Variants in KDR observed in about 807,000 individuals in gnomAD.
The protein encoded by KDR is vascular endothelial growth factor receptor 2.
In KDR, 43 loss-of-function variants were observed where a neutral mutation model predicts 160.9. The observed-to-expected ratio is 0.27, with a 90% CI of 0.21 to 0.34. The LOEUF (loss-of-function observed/expected upper bound fraction) is 0.34. KDR is among the 10% of genes least tolerant of loss of function. The pLI is 1.00. For synonymous variants in KDR, 617 were observed against 600.1 expected (o/e 1.03, Z -0.41); for missense variants, 1,469 against 1,666.4 (o/e 0.88, Z 2.06).
rs1235783869 is a variant in KDR at position 55,125,304 on chromosome 4, G to A, written c.-11C>T. On this transcript the variant is annotated 5_prime_UTR_variant, in exon 1 of 30. Coordinates refer to ENST00000263923, the MANE Select transcript of KDR (RefSeq NM_002253.4). Reference sequence around the variant, plus strand: ...CACCTTGCTCTGCATCCTGCACCTCGAGCCGGGCGAAATGCCCAGAACTCG... The same window carrying A: ...CACCTTGCTCTGCATCCTGCACCTCAAGCCGGGCGAAATGCCCAGAACTCG... 1.9e-6 allele frequency: 3 copies of A among 1,608,796 alleles called. No homozygotes were observed. Among genetic ancestry groups the A allele is most frequent in the Non-Finnish European group, 2.5e-6 (3 of 1,178,180 alleles).
chr4:55,104,801 C>G lies in KDR; in HGVS notation c.1829G>C (p.Trp610Ser), dbSNP rs2110023134. The G allele has an allele frequency of 6.2e-7, 1 of 1,613,938 alleles. No individual in the cohort carries two copies. Reference sequence around the variant, plus strand: ...AGAGAACATGGTGGCATTCAATTTCCAAAGAGTATCCAAGTTCTTGCAAAC... The same window carrying G: ...AGAGAACATGGTGGCATTCAATTTCGAAAGAGTATCCAAGTTCTTGCAAAC... The part of the protein sequence containing the change: ...TPVCKNLDTL[W>S]KLNATMFSNS... The change falls in exon 13 of 30, where the codon TGG becomes TCG. Residue 610 changes from tryptophan (W) to serine (S), a missense_variant. By Grantham distance (177) the Trp-to-Ser change is radical. Transcript: ENST00000263923.
rs560132579 is a variant in KDR, at chr4:55,094,912, G to A, written c.2861C>T (p.Ala954Val). The change falls in exon 21 of 30, where the codon GCA (alanine) becomes GTA (valine). Residue 954 changes from alanine (A) to valine (V), a missense_variant. This residue lies in a region of KDR where 151 missense variants were observed against 207.2 expected (regional missense o/e 0.73). Transcript: ENST00000263923. ...RFRQGKDYVG[A>V]IPVDLKRRLD... ...GCGCCGTTTCAGATCCACAGGGATT[G>A]CTCCAACGTAGTCTTTCCCTTGACG... The A allele has an allele frequency of 4.8e-5, 77 of 1,613,988 alleles. No individual in the cohort carries two copies. In the Admixed American group the frequency reaches 7.0e-4, roughly 15 times the overall value.
At chr4:55,112,579 G>C (rs1442078552) in intron 7 of KDR, among the ~76,000 whole-genome samples, 6 of 146,904 alleles carry the variant, frequency 4.1e-5, no homozygotes, top group African/African-American at 1.5e-4. Flanking sequence ...CCCAGGCTGG[G>C]GTACAATGGC....
chr4:55,121,163 G>C lies in KDR; in HGVS notation c.95C>G (p.Pro32Arg). ...TATGTCTTTTTGTATGCTGAGCCTG[G>C]GCAGATCAAGAGAAACACTAGGCAA... ...VGLPSVSLDL[P>R]RLSIQKDILT... is the part of the protein sequence containing the mutation. The change falls in exon 2 of 30, where the codon CCC becomes CGC. Residue 32 changes from proline to arginine, a missense_variant. By Grantham distance (103) the Pro-to-Arg change is moderately radical. This residue lies in a region of KDR where 792 missense variants were observed against 840.9 expected (regional missense o/e 0.94). Coordinates refer to ENST00000263923, the MANE Select transcript of KDR (RefSeq NM_002253.4). 6.2e-7 allele frequency: 1 copy of C among 1,613,516 alleles called. No individual in the cohort carries two copies. The highest frequency in any genetic ancestry group is 8.5e-7 in the Non-Finnish European group (1 of 1,179,672).
At chr4:55,103,393 T>A (rs535457766) in intron 13 of KDR, among the ~76,000 whole-genome samples, 2 of 152,318 alleles carry the variant, frequency 1.3e-5, no homozygotes, top group East Asian at 3.9e-4. Flanking sequence ...ATGTACTGGA[T>A]TCTAGCCTAT....
At chr4:55,090,380 C>T (rs952071288) in intron 22 of KDR, among the ~76,000 whole-genome samples, 1 of 152,190 alleles carries the variant, frequency 6.6e-6, no homozygotes, top group African/African-American at 2.4e-5. Flanking sequence ...CACATCCACA[C>T]ATTCCTTTTA....
intron 7 of KDR, 52 bp from the exon 8 acceptor site, chr4:55,110,820 G>A (rs749098173): frequency 1.4e-6 from 2 of 1,435,796 alleles, no homozygotes; most frequent in Non-Finnish European, 1.9e-6. Flanking sequence ...ATGGTCATTT[G>A]ATTTAGTTTT....
chr4:55,079,288 G>T lies in KDR; in HGVS notation c.*653C>A, dbSNP rs1038851797. On this transcript the variant is annotated 3_prime_UTR_variant, in exon 30 of 30. Coordinates refer to ENST00000263923, the MANE Select transcript of KDR (RefSeq NM_002253.4). ...AAACAGCACAACGAACTCTACTTTAGCCCAACTCGAAGAACACGCAACCTT... is the reference window on the plus strand; with the variant it reads ...AAACAGCACAACGAACTCTACTTTATCCCAACTCGAAGAACACGCAACCTT... 2 of 235,376 alleles carry T rather than the reference G, an allele frequency of 8.5e-6. No individual in the cohort carries two copies. The highest frequency in any genetic ancestry group is 4.4e-5 in the African/African-American group (2 of 45,342). The allele number at this position is 235,376 out of a possible 1,614,324, so 14.6% of individuals were successfully genotyped here.
At chr4:55,113,870 G>T (rs185617464) in intron 6 of KDR, among the ~76,000 whole-genome samples, 5 of 152,178 alleles carry the variant, frequency 3.3e-5, no homozygotes, top group Non-Finnish European at 7.4e-5. Flanking sequence ...ATCACCTAGA[G>T]AAAACTAATA....
intron 9 of KDR, among the ~76,000 whole-genome samples, chr4:55,109,964 G>C (rs1720536221): frequency 6.6e-6 from 1 of 152,154 alleles, no homozygotes; most frequent in Non-Finnish European, 1.5e-5. Context: ...CTTCAGAGTT[G>C]GAACGTGCCT....
chr4:55,122,056 A>G (rs1207747965), intron 1 of KDR, among the ~76,000 whole-genome samples: 1 of 152,180 alleles, frequency 6.6e-6, no homozygotes, highest in Non-Finnish European at 1.5e-5. Context: ...TTTTAAGTGC[A>G]ATGCTAATGA....
In KDR at chr4:55,104,471, T is replaced by C. The variant is rs186735650; in HGVS notation, c.1987+172A>G. ...TTTGTTATTTTCTCCTTTCGATATA[T>C]CATTTCATTATTATTAGCTTCTTTC... On this transcript the variant is annotated intron_variant, in intron 13 of 29. Coordinates refer to ENST00000263923, the MANE Select transcript of KDR (RefSeq NM_002253.4). The C allele has an allele frequency of 8.1e-5, 54 of 663,038 alleles. No individual in the cohort carries two copies. The African/African-American group carries it at 8.6e-4, about 11-fold the overall frequency. 41.1% of individuals were successfully genotyped at this position (663,038 alleles called of 1,614,324 possible).
intron 22 of KDR, among the ~76,000 whole-genome samples, chr4:55,090,638 C>T (rs1463406794): frequency 2.6e-5 from 4 of 152,100 alleles, no homozygotes; most frequent in Non-Finnish European, 5.9e-5. Flanking sequence ...CAGCCTATCA[C>T]AAGTCAGGTT....
chr4:55,082,079 CA>C (rs1719749416), intron 28 of KDR, 38 bp from the exon 29 acceptor site: 1 of 1,343,684 alleles, frequency 7.4e-7, no homozygotes, highest in East Asian at 2.3e-5. Context: ...GTTAATTGAG[CA>C]TATAAAATGA....
chr4:55,123,857 C>A (rs1189871738), intron 1 of KDR, among the ~76,000 whole-genome samples: 1 of 152,328 alleles, frequency 6.6e-6, no homozygotes, highest in South Asian at 2.1e-4. Flanking sequence ...ACAGCCCAAT[C>A]CAATTAAGCA....
intron 5 of KDR, 44 bp from the exon 6 acceptor site, chr4:55,114,309 A>T: frequency 6.3e-7 from 1 of 1,595,720 alleles, no homozygotes; most frequent in Non-Finnish European, 8.6e-7. Flanking sequence ...GAGAGCAAAT[A>T]AGCCTATAAC....
At chr4:55,080,859 C>T (rs1388426681) in intron 29 of KDR, among the ~76,000 whole-genome samples, 1 of 152,168 alleles carries the variant, frequency 6.6e-6, no homozygotes, top group African/African-American at 2.4e-5. Flanking sequence ...CTTTCACAAG[C>T]CATTCTAAGG....
intron 29 of KDR, 116 bp from the exon 30 acceptor site, chr4:55,080,279 C>T (rs537337674): frequency 3.2e-5 from 27 of 834,628 alleles, no homozygotes; most frequent in African/African-American, 2.8e-4. Flanking sequence ...ACCGCAGCCC[C>T]GTATCTCTCC....
At chr4:55,092,312 G>A (rs1720038650) in intron 22 of KDR, 4 of 405,986 alleles carry the variant, frequency 9.9e-6, no homozygotes, top group Non-Finnish European at 1.9e-5. Flanking sequence ...CTACCCACTA[G>A]AACTGTAAAC....
Sources: gnomAD v4.1 joint callset for allele counts (sites outside exome capture counted in the v4.1 genomes callset) on GRCh38, gnomAD v4.1.1 for gene constraint, gnomAD v4.1.1 regional missense constraint, MANE v1.5 for transcripts, NCBI Gene and HGNC (gene_info 2026-07-23, HGNC 2026-07-21) for gene names.